The following CERS3 variants were observed in gnomAD, a reference collection of about 807,000 sequenced individuals.
CERS3 encodes the protein LAG1 homolog, ceramide synthase 3.
In CERS3, 33 loss-of-function variants were observed where a neutral mutation model predicts 50.3. That is an observed-to-expected ratio of 0.66 (90% CI 0.50 to 0.88). The LOEUF (loss-of-function observed/expected upper bound fraction) is 0.88. Ranked by LOEUF, CERS3 falls within the 40% of genes least tolerant of loss-of-function variation. The probability of loss-of-function intolerance (pLI) is 0.00; values close to 1 mark genes in which losing one functional copy is unlikely to be tolerated. For missense variants in CERS3, 470 were observed against 460.3 expected (o/e 1.02, Z -0.19); for synonymous variants, 176 against 155.2 (o/e 1.13, Z -0.99).
chr15:100,402,645 G>A lies in CERS3; in HGVS notation c.*68C>T. 1 of 1,515,958 alleles carries A rather than the reference G, an allele frequency of 6.6e-7. No homozygotes were observed. The highest frequency in any genetic ancestry group is 9.0e-7 in the Non-Finnish European group (1 of 1,114,096). The allele number at this position is 1,515,958 out of a possible 1,614,324, so 93.9% of individuals were successfully genotyped here. On this transcript the variant is annotated 3_prime_UTR_variant, in exon 12 of 12. Coordinates refer to ENST00000679737, the MANE Select transcript of CERS3 (RefSeq NM_001378789.1). ...AGGGCAGAATGTGGGGTCGGTGTGG[G>A]GCCTGGAAGCCAGGCTGCCAACAGT... is the stretch of plus-strand genomic sequence containing the variant.
chr15:100,502,583 A>G (rs1328080589), intron 2 of CERS3, among the ~76,000 whole-genome samples: 2 of 152,228 alleles, frequency 1.3e-5, no homozygotes, highest in Admixed American at 6.5e-5. Flanking sequence ...TACCCTAAAA[A>G]ATTCCCCAGG....
In CERS3 at chr15:100,472,973, C is replaced by A. The variant is rs548362259; in HGVS notation, c.689G>T (p.Ser230Ile). ...GTGTACAATCATCACGAGGGTCCCA[C>A]TGCGAATATAATTAGCACACCAAGA... ...SFSWCANYIR[S>I]GTLVMIVHDV... Residue 230 changes from serine to isoleucine, a missense_variant, in exon 9 of 12, where the codon AGT becomes ATT. Coordinates refer to ENST00000679737, the MANE Select transcript of CERS3 (RefSeq NM_001378789.1). 1 of 1,613,998 alleles carries A rather than the reference C, an allele frequency of 6.2e-7. No individual in the cohort carries two copies.
chr15:100,520,633 G>A (rs2036613370), intron 2 of CERS3, among the ~76,000 whole-genome samples: 1 of 152,162 alleles, frequency 6.6e-6, no homozygotes, highest in Admixed American at 6.5e-5. Context: ...TAAAAAGCAG[G>A]CTGGGAAAAT....
intron 11 of CERS3, among the ~76,000 whole-genome samples, chr15:100,449,403 G>A (rs1040505191): frequency 6.6e-6 from 1 of 152,130 alleles, no homozygotes; most frequent in Non-Finnish European, 1.5e-5. Context: ...CCTACCTCCT[G>A]CCCCATCACT....
At chr15:100,485,227 A>C (rs920858703) in intron 4 of CERS3, among the ~76,000 whole-genome samples, 1 of 152,218 alleles carries the variant, frequency 6.6e-6, no homozygotes, top group African/African-American at 2.4e-5. Flanking sequence ...TTTACATTTA[A>C]TTATATAGAG....
At chr15:100,526,046 TTC>T (rs1273469207) in intron 1 of CERS3, among the ~76,000 whole-genome samples, 1 of 152,198 alleles carries the variant, frequency 6.6e-6, no homozygotes, top group Non-Finnish European at 1.5e-5. Flanking sequence ...CAGAGAGAGC[TTC>T]TCTGTGTTCC....
At chr15:100,474,168 T>C (rs981602043) in intron 8 of CERS3, among the ~76,000 whole-genome samples, 3 of 152,054 alleles carry the variant, frequency 2.0e-5, no homozygotes, top group African/African-American at 7.2e-5. Context: ...TGGTATAGAG[T>C]TTCTTCTTGG....
At chr15:100,498,084 C>T (rs1036947138) in intron 3 of CERS3, among the ~76,000 whole-genome samples, 3 of 151,812 alleles carry the variant, frequency 2.0e-5, no homozygotes, top group African/African-American at 4.8e-5. Flanking sequence ...TTAGTACAGA[C>T]GGGGTTTCAC....
intron 11 of CERS3, among the ~76,000 whole-genome samples, chr15:100,430,714 A>G (rs911382176): frequency 2.8e-5 from 4 of 143,492 alleles, no homozygotes; most frequent in Non-Finnish European, 6.2e-5. Flanking sequence ...CACTGTATGA[A>G]AAAAATACAT....
At chr15:100,471,323 T>A (rs72759112) in intron 9 of CERS3, among the ~76,000 whole-genome samples, 6,363 of 152,220 alleles carry the variant, frequency 0.042, 184 homozygotes, top group Non-Finnish European at 0.056. Context: ...CAGATATGAA[T>A]TCTCATGTTA....
intron 4 of CERS3, among the ~76,000 whole-genome samples, chr15:100,486,381 C>T (rs906028589): frequency 5.3e-5 from 8 of 152,174 alleles, no homozygotes; most frequent in African/African-American, 1.7e-4. Context: ...GGCGTAAGCA[C>T]CGCACTTTGA....
Position 100,479,966 on chromosome 15 carries a change from G to A in CERS3, c.465+23C>T, listed in dbSNP as rs371064456. 3.6e-5 allele frequency: 56 copies of A among 1,564,464 alleles called. No individual in the cohort carries two copies. In the Middle Eastern group the frequency reaches 5.1e-4, roughly 14 times the overall value. ...CAAAAATTAAAGACAAATTCCAATC[G>A]AAGATATAAAAAGATAACTTACATC... On this transcript the variant is annotated intron_variant, in intron 6 of 11. Coordinates refer to ENST00000679737, the MANE Select transcript of CERS3 (RefSeq NM_001378789.1).
chr15:100,509,844 T>C (rs2036289135), intron 2 of CERS3, among the ~76,000 whole-genome samples: 1 of 152,214 alleles, frequency 6.6e-6, no homozygotes, highest in South Asian at 2.1e-4. Flanking sequence ...CTAGAATGCA[T>C]TTTTGAACAC....
intron 4 of CERS3, 55 bp downstream of exon 4, chr15:100,490,762 T>C (rs751972388): frequency 1.3e-5 from 14 of 1,063,548 alleles, no homozygotes; most frequent in African/African-American, 3.1e-5. Context: ...CTATAGATAA[T>C]TGAACCATTA....
intron 3 of CERS3, among the ~76,000 whole-genome samples, chr15:100,498,571 G>C (rs563970192): frequency 2.0e-5 from 3 of 152,096 alleles, no homozygotes; most frequent in Non-Finnish European, 4.4e-5. Context: ...TAATTACCAG[G>C]GAATGAGTCC....
At chr15:100,414,567 G>T (rs912743276) in intron 11 of CERS3, among the ~76,000 whole-genome samples, 7 of 152,124 alleles carry the variant, frequency 4.6e-5, no homozygotes, top group Admixed American at 4.6e-4. Flanking sequence ...CACGGTACTG[G>T]TACCAAAACA....
At chr15:100,516,706 G>C (rs552721732) in intron 2 of CERS3, among the ~76,000 whole-genome samples, 1 of 152,300 alleles carries the variant, frequency 6.6e-6, no homozygotes, top group South Asian at 2.1e-4. Context: ...CTCACTACTG[G>C]ATATAGATAA....
rs113085503 is a variant in CERS3 at position 100,514,920 on chromosome 15, T to C, written c.-2+6747A>G. Among the ~76,000 whole-genome samples, 1,305 of 152,334 alleles carry C rather than the reference T, an allele frequency of 8.6e-3. 23 individuals carry two copies. Among genetic ancestry groups the C allele is most frequent in the African/African-American group, 0.03 (1,229 of 41,574 alleles). On this transcript the variant is annotated intron_variant, in intron 2 of 11. Transcript: ENST00000679737. ...AACTTATCACTCTTTTCTTATTTGA[T>C]TATTCAAATCAGTGAAAGCAAATTT...
chr15:100,427,753 C>G (rs750575857), intron 11 of CERS3, among the ~76,000 whole-genome samples: 86 of 152,194 alleles, frequency 5.7e-4, no homozygotes, highest in Non-Finnish European at 1.2e-3. Flanking sequence ...TCATTTTCTT[C>G]TAACAAGTCT....
Sources: allele counts gnomAD v4.1 joint callset (sites outside exome capture counted in the v4.1 genomes callset), GRCh38; gene constraint gnomAD v4.1.1; transcripts MANE v1.5; gene names NCBI Gene and HGNC (gene_info 2026-07-23, HGNC 2026-07-21).